The following TBXAS1 variants were observed in gnomAD, a reference collection of about 807,000 sequenced individuals.
TBXAS1 encodes thromboxane A synthase 1.
In TBXAS1, 48 loss-of-function variants were observed where a neutral mutation model predicts 60.7. The ratio of observed to expected loss-of-function variants is 0.79; its 90% CI spans 0.63 to 1.01. The LOEUF (loss-of-function observed/expected upper bound fraction) is 1.01. Ranked by LOEUF, TBXAS1 falls within the 50% of genes least tolerant of loss-of-function variation. TBXAS1 has a pLI of 0.00. For missense variants in TBXAS1, 685 were observed against 686.3 expected, an observed-to-expected ratio of 1.00 and a Z score of 0.02; for synonymous variants, 287 against 269.7, an observed-to-expected ratio of 1.06 and a Z score of -0.63.
chr7:139,835,135 C>A (rs557132293), intron 1 of TBXAS1, among the ~76,000 whole-genome samples: 1 of 150,648 alleles, frequency 6.6e-6, no homozygotes, highest in South Asian at 2.1e-4. Context: ...GGCGCGATCT[C>A]GGCTCACTGC....
At chr7:139,980,733 T>TC (rs922608995) in intron 9 of TBXAS1, among the ~76,000 whole-genome samples, 7 of 151,256 alleles carry the variant, frequency 4.6e-5, no homozygotes, top group African/African-American at 9.7e-5. Flanking sequence ...TCACCTGCCT[T>TC]CCCCCCCTGT....
intron 5 of TBXAS1, among the ~76,000 whole-genome samples, chr7:139,951,561 G>C (rs1172854826): frequency 8.6e-6 from 1 of 116,530 alleles, no homozygotes; most frequent in Non-Finnish European, 1.6e-5. Flanking sequence ...TTCTAGATCA[G>C]CCTGATCAAC....
chr7:139,960,379 G>A (rs1449066479), intron 8 of TBXAS1, among the ~76,000 whole-genome samples: 1 of 152,198 alleles, frequency 6.6e-6, no homozygotes, highest in Non-Finnish European at 1.5e-5. Context: ...CATGTGCTCA[G>A]CATAAAACTA....
At chr7:139,874,863 G>A (rs1377196240) in intron 2 of TBXAS1, among the ~76,000 whole-genome samples, 8 of 152,338 alleles carry the variant, frequency 5.3e-5, no homozygotes, top group African/African-American at 1.9e-4. Flanking sequence ...GGGAGGCCAA[G>A]GCAGGCAGAT....
At chr7:139,973,817 T>C (rs984718708) in intron 9 of TBXAS1, among the ~76,000 whole-genome samples, 34 of 152,304 alleles carry the variant, frequency 2.2e-4, no homozygotes, top group East Asian at 2.1e-3. Flanking sequence ...TTTTTTCTTT[T>C]GGTCGCACAA....
At position 139,898,413 on chromosome 7, in the gene TBXAS1, C is replaced by CTTTTTTTTTTTT. The variant is rs71170921; in HGVS notation, c.237-12791_237-12780dup. On this transcript the variant is annotated intron_variant, in intron 3 of 12. Transcript: ENST00000448866. ...ATCAGAAGTTTCCCAACGTGCATGG[C>CTTTTTTTTTTTT]TTTTTTTTTTTTTTTTTTTTTTTTT... 5.1e-4 allele frequency among the ~76,000 whole-genome samples: 42 copies of CTTTTTTTTTTTT among 82,246 alleles called. 3 individuals carry two copies. The highest frequency in any genetic ancestry group is 1.9e-3 in the African/African-American group (38 of 20,488). 54.0% of individuals were successfully genotyped at this position (82,246 alleles called of 152,430 possible).
At chr7:139,913,115 G>A (rs752251940) in intron 4 of TBXAS1, 3 of 702,908 alleles carry the variant, frequency 4.3e-6, no homozygotes, top group South Asian at 3.0e-5. Context: ...CTAGAGGGAT[G>A]TGGCCTGGAG....
intron 10 of TBXAS1, among the ~76,000 whole-genome samples, chr7:140,012,364 G>A (rs1012817424): frequency 1.4e-4 from 21 of 152,156 alleles, no homozygotes; most frequent in Admixed American, 1.4e-3. Flanking sequence ...GCTGAGAGGT[G>A]CAGGGAGGTG....
At position 139,887,306 on chromosome 7, in the gene TBXAS1, T is replaced by C. The variant is rs529513739; in HGVS notation, c.236+11669T>C. On this transcript the variant is annotated intron_variant, in intron 3 of 12. Transcript: ENST00000448866. ...ACAAAATGTACTCTCCTATTTTTCA[T>C]TGTATAGATCAGTTGCATTAAGTAC... is the stretch of plus-strand genomic sequence containing the variant. Among the ~76,000 whole-genome samples the C allele has an allele frequency of 2.0e-5, 3 of 152,348 alleles. No homozygotes were observed. In the South Asian group the frequency reaches 6.2e-4, roughly 32 times the overall value.
chr7:139,922,604 G>A (rs1216207893), intron 4 of TBXAS1, among the ~76,000 whole-genome samples: 1 of 152,114 alleles, frequency 6.6e-6, no homozygotes, highest in African/African-American at 2.4e-5. Context: ...TGGTTTGTGT[G>A]TTATTTTCTT....
intron 5 of TBXAS1, among the ~76,000 whole-genome samples, chr7:139,938,060 A>G (rs1807946433): frequency 6.6e-6 from 1 of 152,202 alleles, no homozygotes; most frequent in Non-Finnish European, 1.5e-5. Context: ...TGTTTGAAAA[A>G]TAGAGTCCCC....
chr7:140,003,123 TCAAAA>T (rs1813802973), intron 9 of TBXAS1, among the ~76,000 whole-genome samples: 2 of 119,434 alleles, frequency 1.7e-5, no homozygotes, highest in Non-Finnish European at 3.5e-5. Flanking sequence ...AAACTCCGTC[TCAAAA>T]AAAAAAAAAA....
At chr7:139,981,782 T>C (rs1439159797) in intron 9 of TBXAS1, among the ~76,000 whole-genome samples, 3 of 152,188 alleles carry the variant, frequency 2.0e-5, no homozygotes, top group African/African-American at 7.2e-5. Context: ...ACAAAGGGCC[T>C]GGCCCTGAAG....
At position 139,833,680 on chromosome 7, in the gene TBXAS1, T is replaced by C. The variant is rs1798867818; in HGVS notation, c.89+4201T>C. On this transcript the variant is annotated intron_variant, in intron 1 of 12. Transcript: ENST00000448866. ...AGCCTGTGTGACACAGCAAGACTCT[T>C]TCTCAAAAAAATAAAAAAAAGAGAG... 4.0e-5 allele frequency among the ~76,000 whole-genome samples: 6 copies of C among 150,100 alleles called. No individual in the cohort carries two copies. In the South Asian group the frequency reaches 1.3e-3, roughly 32 times the overall value.
intron 5 of TBXAS1, among the ~76,000 whole-genome samples, chr7:139,939,642 G>T (rs1185340595): frequency 7.8e-4 from 118 of 151,952 alleles, no homozygotes; most frequent in Non-Finnish European, 4.4e-5. Flanking sequence ...GAAGAAGTTG[G>T]CTGTGCAGAT....
At chr7:139,923,313 C>T (rs918991801) in intron 4 of TBXAS1, among the ~76,000 whole-genome samples, 4 of 151,736 alleles carry the variant, frequency 2.6e-5, no homozygotes, top group Non-Finnish European at 2.9e-5. Context: ...AGCAACAGAG[C>T]GAGACCCTGT....
At chr7:139,867,545 C>T (rs568381450) in intron 1 of TBXAS1, among the ~76,000 whole-genome samples, 8 of 152,126 alleles carry the variant, frequency 5.3e-5, no homozygotes, top group South Asian at 2.1e-4. Flanking sequence ...AGGCTGGGCA[C>T]GGTGGTTCAC....
chr7:139,785,069 G>T (rs1797143980), intron 3 of TBXAS1, among the ~76,000 whole-genome samples: 1 of 152,134 alleles, frequency 6.6e-6, no homozygotes, highest in South Asian at 2.1e-4. Flanking sequence ...TCTGCATTTT[G>T]AATTTACTCC....
In TBXAS1 at chr7:140,015,827, A is replaced by C. The variant is rs756173369; in HGVS notation, c.1331A>C (p.His444Pro). 5 of 1,613,764 alleles carry C rather than the reference A, an allele frequency of 3.1e-6. No individual in the cohort carries two copies. Among genetic ancestry groups the C allele is most frequent in the Non-Finnish European group, 4.2e-6 (5 of 1,180,036 alleles). ...GGTGCCCTGCACCATGACCCTGAGC[A>C]CTGGCCAAGCCCGGAGACCTTCAAC... The part of the protein sequence containing the change: ...AVGALHHDPE[H>P]WPSPETFNPE... The change falls in exon 11 of 13, where the codon CAC (histidine) becomes CCC (proline). Residue 444 changes from histidine (H) to proline (P), a missense_variant. Physicochemically the swap from His to Pro is moderately conservative, Grantham distance 77. Coordinates refer to ENST00000448866, the MANE Select transcript of TBXAS1 (RefSeq NM_001061.7).
Sources: gnomAD v4.1 joint callset for allele counts (sites outside exome capture counted in the v4.1 genomes callset) on GRCh38, gnomAD v4.1.1 for gene constraint, MANE v1.5 for transcripts, NCBI Gene and HGNC (gene_info 2026-07-23, HGNC 2026-07-21) for gene names.